The following CCSER1 variants were observed in gnomAD, a reference collection of about 807,000 sequenced individuals.
The protein encoded by CCSER1 is serine-rich coiled-coil domain-containing protein 1.
A neutral mutation model predicts 82.0 loss-of-function variants in CCSER1; 41 were observed. That is an observed-to-expected ratio of 0.50 (90% CI 0.39 to 0.65). CCSER1 has a LOEUF of 0.65. Among genes scored for constraint, CCSER1 ranks in the 30% least tolerant of loss-of-function variants. The probability of loss-of-function intolerance (pLI) is 0.00; values close to 1 mark genes in which losing one functional copy is unlikely to be tolerated. For synonymous variants in CCSER1, 414 were observed against 383.9 expected, an observed-to-expected ratio of 1.08 and a Z score of -0.92; for missense variants, 1,119 against 1,064.2, an observed-to-expected ratio of 1.05 and a Z score of -0.72.
At chr4:90,306,190 G>A (rs1346637134) in intron 1 of CCSER1, among the ~76,000 whole-genome samples, 1 of 152,154 alleles carries the variant, frequency 6.6e-6, no homozygotes, top group East Asian at 1.9e-4. Flanking sequence ...GGGCTGGGGT[G>A]TCGGGGCCAG....
At chr4:90,949,878 C>T (rs1321946736) in intron 9 of CCSER1, among the ~76,000 whole-genome samples, 2 of 152,044 alleles carry the variant, frequency 1.3e-5, no homozygotes, top group Non-Finnish European at 2.9e-5. Flanking sequence ...CTAGAATTAT[C>T]CCTACTGTAC....
chr4:90,167,619 C>T (rs1280715160), intron 1 of CCSER1, among the ~76,000 whole-genome samples: 1 of 151,720 alleles, frequency 6.6e-6, no homozygotes, highest in Non-Finnish European at 1.5e-5. Context: ...TGCTATCCCT[C>T]CCCCGTCCCC....
intron 6 of CCSER1, among the ~76,000 whole-genome samples, chr4:90,668,455 A>C (rs1452913195): frequency 2.6e-5 from 4 of 152,320 alleles, no homozygotes; most frequent in Admixed American, 2.6e-4. Context: ...GCGATTGATA[A>C]TTCAAAACCA....
At chr4:90,699,704 G>A (rs1045121989) in intron 6 of CCSER1, among the ~76,000 whole-genome samples, 1 of 152,180 alleles carries the variant, frequency 6.6e-6, no homozygotes, top group East Asian at 1.9e-4. Flanking sequence ...GCCTTCTGCT[G>A]TATGAATCTG....
Position 90,287,798 on chromosome 4 carries a change from A to C in CCSER1, c.-41-20446A>C, listed in dbSNP as rs569546950. Reference sequence around the variant, plus strand: ...ATGAAAAAGAAATTACTTACAAGTAAATATTTAATCTAATTTGAAACTTTA... The same window carrying C: ...ATGAAAAAGAAATTACTTACAAGTACATATTTAATCTAATTTGAAACTTTA... On this transcript the variant is annotated intron_variant, in intron 1 of 10. Transcript: ENST00000509176. Among the ~76,000 whole-genome samples the C allele has an allele frequency of 2.2e-3, 330 of 152,046 alleles. 2 individuals carry two copies. Among genetic ancestry groups the C allele is most frequent in the African/African-American group, 7.3e-3 (304 of 41,544 alleles).
intron 10 of CCSER1, among the ~76,000 whole-genome samples, chr4:91,132,963 G>A (rs771073827): frequency 2.6e-5 from 4 of 151,962 alleles, no homozygotes; most frequent in Non-Finnish European, 5.9e-5. Flanking sequence ...TGACTTCTTG[G>A]GGATATAATC....
chr4:91,237,157 G>A (rs1739073967), intron 10 of CCSER1, among the ~76,000 whole-genome samples: 1 of 151,828 alleles, frequency 6.6e-6, no homozygotes, highest in South Asian at 2.1e-4. Flanking sequence ...TAAAATCAAT[G>A]AATATTATAT....
intron 10 of CCSER1, among the ~76,000 whole-genome samples, chr4:91,189,735 A>G (rs1447883137): frequency 6.6e-6 from 1 of 152,096 alleles, no homozygotes; most frequent in Non-Finnish European, 1.5e-5. Context: ...ATATAAAGGC[A>G]TATATATTAC....
intron 1 of CCSER1, among the ~76,000 whole-genome samples, chr4:90,186,713 T>G (rs1457295747): frequency 6.6e-6 from 1 of 151,956 alleles, no homozygotes; most frequent in East Asian, 1.9e-4. Flanking sequence ...TGTCTTTAGG[T>G]TAGAATATAG....
intron 10 of CCSER1, among the ~76,000 whole-genome samples, chr4:91,173,695 T>G (rs1469785084): frequency 6.6e-6 from 1 of 151,804 alleles, no homozygotes; most frequent in Non-Finnish European, 1.5e-5. Flanking sequence ...ATGTCACTAC[T>G]CTCTCCAGGA....
At chr4:90,585,407 C>T (rs1251471829) in intron 5 of CCSER1, among the ~76,000 whole-genome samples, 1 of 152,090 alleles carries the variant, frequency 6.6e-6, no homozygotes, top group African/African-American at 2.4e-5. Context: ...AAACTATAAC[C>T]TGCATTGGTG....
At chr4:91,050,437 A>AC (rs974897689) in intron 9 of CCSER1, among the ~76,000 whole-genome samples, 3 of 151,888 alleles carry the variant, frequency 2.0e-5, no homozygotes, top group Non-Finnish European at 4.4e-5. Context: ...TCTCAAAAAA[A>AC]AAAAAAATGC....
At chr4:91,285,187 A>G (rs1162891069) in intron 10 of CCSER1, among the ~76,000 whole-genome samples, 2 of 151,110 alleles carry the variant, frequency 1.3e-5, no homozygotes, top group African/African-American at 4.9e-5. Context: ...CTTCTTAAAT[A>G]TAGGCATTAC....
At chr4:91,203,240 T>C (rs937148469) in intron 10 of CCSER1, among the ~76,000 whole-genome samples, 1 of 152,006 alleles carries the variant, frequency 6.6e-6, no homozygotes, top group Non-Finnish European at 1.5e-5. Flanking sequence ...ATTTCTCTGA[T>C]GGCCAGTGAT....
chr4:91,443,908 A>T (rs1755382437), intron 10 of CCSER1, among the ~76,000 whole-genome samples: 1 of 151,894 alleles, frequency 6.6e-6, no homozygotes, highest in Non-Finnish European at 1.5e-5. Flanking sequence ...TCTTCCTAAA[A>T]TTAGTAAGAA....
At chr4:90,978,584 A>G (rs1046492031) in intron 9 of CCSER1, among the ~76,000 whole-genome samples, 15 of 151,802 alleles carry the variant, frequency 9.9e-5, no homozygotes, top group Non-Finnish European at 1.8e-4. Flanking sequence ...GCTTCTCAAT[A>G]TGAAAATAAT....
intron 10 of CCSER1, among the ~76,000 whole-genome samples, chr4:91,188,471 C>T (rs1209349817): frequency 2.0e-5 from 3 of 152,192 alleles, no homozygotes; most frequent in Admixed American, 6.5e-5. Context: ...TTTGGAAGCA[C>T]TGAGGGCAAA....
intron 7 of CCSER1, among the ~76,000 whole-genome samples, chr4:90,775,250 C>T (rs1234845414): frequency 6.6e-6 from 1 of 152,130 alleles, no homozygotes; most frequent in Admixed American, 6.5e-5. Context: ...CCACAGAGGG[C>T]TGGAGTATCT....
chr4:90,182,226 T>A (rs1484776066), intron 1 of CCSER1, among the ~76,000 whole-genome samples: 1 of 152,184 alleles, frequency 6.6e-6, no homozygotes, highest in East Asian at 1.9e-4. Flanking sequence ...GAAATATGAC[T>A]TCTTATACTT....
Sources: gnomAD v4.1 joint callset for allele counts (sites outside exome capture counted in the v4.1 genomes callset) on GRCh38, gnomAD v4.1.1 for gene constraint, MANE v1.5 for transcripts, NCBI Gene and HGNC (gene_info 2026-07-23, HGNC 2026-07-21) for gene names.